SLC9B1: variants seen among roughly 807,000 people sequenced by gnomAD.
SLC9B1 encodes the protein solute carrier family 9 member B1, also known as sodium/hydrogen exchanger 9B1.
In SLC9B1, 32 loss-of-function variants were observed where a neutral mutation model predicts 51.7. That is an observed-to-expected ratio of 0.62 (90% CI 0.47 to 0.83). The LOEUF is 0.83. SLC9B1 is among the 40% of genes least tolerant of loss of function. The pLI is 0.00. For synonymous variants in SLC9B1, 145 were observed against 212.7 expected, an observed-to-expected ratio of 0.68 and a Z score of 2.77; for missense variants, 406 against 613.2, an observed-to-expected ratio of 0.66 and a Z score of 3.57.
chr4:103,004,731 G>T (rs997563014), intron 1 of SLC9B1, among the ~76,000 whole-genome samples: 10 of 152,126 alleles, frequency 6.6e-5, no homozygotes, highest in Non-Finnish European at 2.9e-5. Context: ...GCTAAGAGTG[G>T]ACCTTTCAGC....
At chr4:102,998,525 T>C (rs1021201204) in intron 1 of SLC9B1, among the ~76,000 whole-genome samples, 1 of 152,200 alleles carries the variant, frequency 6.6e-6, no homozygotes, top group Non-Finnish European at 1.5e-5. Context: ...TCAATTCTAT[T>C]TGGTATATAC....
At chr4:102,951,192 C>T (rs549731634) in intron 3 of SLC9B1, among the ~76,000 whole-genome samples, 1 of 152,100 alleles carries the variant, frequency 6.6e-6, no homozygotes, top group East Asian at 1.9e-4. Context: ...ATTATGTGCA[C>T]AGGTTAGGGA....
chr4:103,011,691 G>T (rs182653814), intron 1 of SLC9B1, among the ~76,000 whole-genome samples: 1 of 152,298 alleles, frequency 6.6e-6, no homozygotes, highest in African/African-American at 2.4e-5. Flanking sequence ...GCACCACCAA[G>T]GTTTACTGTT....
intron 3 of SLC9B1, among the ~76,000 whole-genome samples, chr4:102,973,719 T>A (rs1314850830): frequency 6.6e-6 from 1 of 152,010 alleles, no homozygotes; most frequent in African/African-American, 2.4e-5. Context: ...TAGAAAAAAA[T>A]GTAAATTTCT....
rs146469649 is a variant in SLC9B1, at chr4:102,934,318, G to C, written c.654-2019C>G. Among the ~76,000 whole-genome samples, 698 of 152,176 alleles carry C rather than the reference G, an allele frequency of 4.6e-3. 4 individuals carry two copies. The highest frequency in any genetic ancestry group is 0.031 in the Middle Eastern group (9 of 294). On this transcript the variant is annotated intron_variant, in intron 6 of 11. Transcript: ENST00000296422. ...ATAGACAAAATAAATTGGAAGAAAA[G>C]AAAATACAATGTGTGGAAACAAATC...
intron 3 of SLC9B1, among the ~76,000 whole-genome samples, chr4:102,954,541 A>G (rs992636981): frequency 3.3e-5 from 5 of 151,870 alleles, no homozygotes; most frequent in Non-Finnish European, 5.9e-5. Flanking sequence ...AGTACTTATC[A>G]GCAACAATAG....
chr4:102,950,864 G>A (rs13152518), intron 3 of SLC9B1, among the ~76,000 whole-genome samples: 8,370 of 152,158 alleles, frequency 0.055, 333 homozygotes, highest in Middle Eastern at 0.1. Context: ...GCCTGTTGGC[G>A]CATGCCTATA....
chr4:102,894,464 A>C (rs1420076653), intron 11 of SLC9B1, among the ~76,000 whole-genome samples: 1 of 152,218 alleles, frequency 6.6e-6, no homozygotes, highest in Non-Finnish European at 1.5e-5. Context: ...AGAAATTTCA[A>C]ATATTTTAAA....
chr4:102,989,832 A>C lies in SLC9B1; in HGVS notation c.179T>G (p.Leu60Arg). The C allele has an allele frequency of 6.3e-7, 1 of 1,598,436 alleles. No homozygotes were observed. Among genetic ancestry groups the C allele is most frequent in the African/African-American group, 1.3e-5 (1 of 74,538 alleles). Residue 60 changes from leucine (L) to arginine (R), a missense_variant, in exon 3 of 12, where the codon CTA (leucine) becomes CGA (arginine). Leu to Arg is a moderately radical substitution (Grantham distance 102). Around this residue, in one of 6 missense-constraint regions of SLC9B1, gnomAD observed 108 missense variants for 94.5 expected, o/e 1.14. Coordinates refer to ENST00000296422, the MANE Select transcript of SLC9B1 (RefSeq NM_139173.4). ...TKKETYISCP[L>R]RGVLNVIITN... ...AATAATTACATTCAATACTCCTCTT[A>C]GAGGACAAGAAATGTATGTCTCCTT...
chr4:102,919,302 T>C (rs1236356898), intron 7 of SLC9B1, among the ~76,000 whole-genome samples: 1 of 152,210 alleles, frequency 6.6e-6, no homozygotes. Context: ...ATGCTCTGTC[T>C]CCCTTTTAAA....
intron 3 of SLC9B1, among the ~76,000 whole-genome samples, chr4:102,950,825 C>T (rs1363195308): frequency 1.3e-5 from 2 of 152,092 alleles, no homozygotes; most frequent in African/African-American, 4.8e-5. Context: ...GAAACGCTGT[C>T]TCTATTAAAA....
chr4:102,911,411 AAAATAGATTTTG>A lies in SLC9B1; in HGVS notation c.936+8_936+19del. 6.6e-7 allele frequency: 1 copy of A among 1,526,194 alleles called. No individual in the cohort carries two copies. The highest frequency in any genetic ancestry group is 8.9e-7 in the Non-Finnish European group (1 of 1,118,972). The allele number at this position is 1,526,194 out of a possible 1,614,324, so 94.5% of individuals were successfully genotyped here. ...AAAATGTCTAATACTATACTTCTAT[AAAATAGATTTTG>A]TATTTACCTGGTCTTCACTTGGAAA... On this transcript the variant is annotated splice_region_variant and intron_variant, in intron 8 of 11. Transcript: ENST00000296422.
At chr4:102,987,903 T>C (rs1390378212) in intron 3 of SLC9B1, among the ~76,000 whole-genome samples, 2 of 152,202 alleles carry the variant, frequency 1.3e-5, no homozygotes, top group African/African-American at 2.4e-5. Context: ...ACTTCTCTGA[T>C]GGATTTAAGA....
chr4:102,994,587 T>C (rs1439390838), intron 1 of SLC9B1, among the ~76,000 whole-genome samples: 1 of 152,180 alleles, frequency 6.6e-6, no homozygotes, highest in Non-Finnish European at 1.5e-5. Flanking sequence ...CAGCCCACTC[T>C]GTGGTGCCAG....
intron 3 of SLC9B1, among the ~76,000 whole-genome samples, chr4:102,958,958 G>A (rs1240563718): frequency 6.6e-6 from 1 of 151,334 alleles, no homozygotes; most frequent in Non-Finnish European, 1.5e-5. Context: ...ATTGAAATAG[G>A]GCACTAAAAA....
intron 3 of SLC9B1, among the ~76,000 whole-genome samples, chr4:102,957,992 C>T (rs1041192235): frequency 6.6e-6 from 1 of 152,112 alleles, no homozygotes; most frequent in African/African-American, 2.4e-5. Flanking sequence ...TTATTATAAC[C>T]CCCAAAGGTA....
At chr4:102,958,840 G>A (rs1184496044) in intron 3 of SLC9B1, among the ~76,000 whole-genome samples, 5 of 151,876 alleles carry the variant, frequency 3.3e-5, no homozygotes, top group East Asian at 1.9e-4. Context: ...GGAGAATGGC[G>A]TGAACTCGGG....
chr4:103,001,988 G>A (rs560849806), intron 1 of SLC9B1, among the ~76,000 whole-genome samples: 1 of 152,340 alleles, frequency 6.6e-6, no homozygotes, highest in South Asian at 2.1e-4. Context: ...CATGGTGGCA[G>A]GAGAGAGAAG....
intron 3 of SLC9B1, among the ~76,000 whole-genome samples, chr4:102,965,094 A>G (rs1738352008): frequency 6.6e-6 from 1 of 152,210 alleles, no homozygotes; most frequent in African/African-American, 2.4e-5. Flanking sequence ...TCAATATACA[A>G]AAATCGGTTA....
Sources: gnomAD v4.1 joint callset for allele counts (sites outside exome capture counted in the v4.1 genomes callset) on GRCh38, gnomAD v4.1.1 for gene constraint, gnomAD v4.1.1 regional missense constraint, MANE v1.5 for transcripts, NCBI Gene and HGNC (gene_info 2026-07-23, HGNC 2026-07-21) for gene names.